The following SPINK5 variants were observed in gnomAD, a reference collection of about 807,000 sequenced individuals.
SPINK5 encodes serine protease inhibitor Kazal-type 5.
SPINK5 carries 125 observed loss-of-function variants against 151.8 expected under a neutral mutation model. That is an observed-to-expected ratio of 0.82 (90% CI 0.71 to 0.96). The LOEUF is 0.96. SPINK5 is among the 40% of genes least tolerant of loss of function. SPINK5 has a pLI of 0.00. For synonymous variants in SPINK5, 374 were observed against 395.3 expected (o/e 0.95, Z 0.64); for missense variants, 1,194 against 1,291.9 (o/e 0.92, Z 1.16).
At chr5:148,086,621 C>A in intron 5 of SPINK5, 89 bp downstream of exon 5, 2 of 1,527,688 alleles carry the variant, frequency 1.3e-6, no homozygotes, top group Non-Finnish European at 8.8e-7. Flanking sequence ...TTTAAGCTAA[C>A]GATTCATTAT....
intron 3 of SPINK5, 35 bp from the exon 4 acceptor site, chr5:148,072,111 CAA>C (rs1752753777): frequency 1.9e-6 from 3 of 1,591,038 alleles, no homozygotes; most frequent in Non-Finnish European, 1.7e-6. Flanking sequence ...GTTGAGCAAA[CAA>C]TGTTTAAACT....
intron 28 of SPINK5, 184 bp from the exon 29 acceptor site, chr5:148,125,539 G>A: frequency 6.2e-7 from 1 of 1,613,882 alleles, no homozygotes; most frequent in Non-Finnish European, 8.5e-7. Flanking sequence ...GTGCAGACAG[G>A]TTCAGAATGA....
chr5:148,069,240 A>G (rs1367451262), intron 2 of SPINK5, among the ~76,000 whole-genome samples: 1 of 151,730 alleles, frequency 6.6e-6, no homozygotes, highest in East Asian at 1.9e-4. Context: ...GACTTTAATA[A>G]TAATATTTAA....
At chr5:148,077,088 A>G (rs1316264706) in intron 4 of SPINK5, among the ~76,000 whole-genome samples, 1 of 151,402 alleles carries the variant, frequency 6.6e-6, no homozygotes, top group Admixed American at 6.6e-5. Context: ...CTTAAATTTG[A>G]TGGAAAAAAA....
At chr5:148,133,674 C>G in intron 31 of SPINK5, 123 bp from the exon 32 acceptor site, 2 of 870,096 alleles carry the variant, frequency 2.3e-6, no homozygotes, top group Admixed American at 3.9e-5. Flanking sequence ...ATGCAGATCC[C>G]AGATCCTCCC....
chr5:148,101,232 T>G, intron 13 of SPINK5, 123 bp from the exon 14 acceptor site: 1 of 741,232 alleles, frequency 1.3e-6, no homozygotes, highest in Admixed American at 2.1e-5. Context: ...AGCACAGGGT[T>G]AGGCACATCA....
intron 11 of SPINK5, among the ~76,000 whole-genome samples, chr5:148,098,559 A>G (rs1238202775): frequency 6.6e-6 from 1 of 152,030 alleles, no homozygotes; most frequent in African/African-American, 2.4e-5. Context: ...TTGATTGACA[A>G]CTACATATGG....
intron 19 of SPINK5, 33 bp downstream of exon 19, chr5:148,111,928 T>C (rs764166154): frequency 6.2e-7 from 1 of 1,613,712 alleles, no homozygotes; most frequent in Admixed American, 1.7e-5. Flanking sequence ...TGCTACTGAG[T>C]GTGGGAGAAG....
At chr5:148,073,565 T>G (rs1274143425) in intron 4 of SPINK5, among the ~76,000 whole-genome samples, 1 of 151,762 alleles carries the variant, frequency 6.6e-6, no homozygotes, top group Non-Finnish European at 1.5e-5. Flanking sequence ...CTCCTCTTCC[T>G]CCTCTGTCTT....
intron 32 of SPINK5, 35 bp from the exon 33 acceptor site, chr5:148,136,948 G>T: frequency 6.2e-7 from 1 of 1,613,374 alleles, no homozygotes; most frequent in Non-Finnish European, 8.5e-7. Context: ...ATATCTCTGG[G>T]TTCTAGCATC....
At chr5:148,129,175 T>C (rs1036178017) in intron 30 of SPINK5, among the ~76,000 whole-genome samples, 2 of 152,168 alleles carry the variant, frequency 1.3e-5, no homozygotes, top group Non-Finnish European at 2.9e-5. Flanking sequence ...ACCTCAGCTG[T>C]AGAAGAGGAA....
intron 15 of SPINK5, among the ~76,000 whole-genome samples, chr5:148,102,369 A>G (rs1049944446): frequency 1.2e-4 from 19 of 152,330 alleles, no homozygotes; most frequent in African/African-American, 4.3e-4. Context: ...AAACATTAAA[A>G]AAGTAAATCG....
chr5:148,075,836 C>G (rs1752863986), intron 4 of SPINK5, among the ~76,000 whole-genome samples: 1 of 151,706 alleles, frequency 6.6e-6, no homozygotes, highest in South Asian at 2.1e-4. Flanking sequence ...CAAAGGTCAG[C>G]AAAGGCATTG....
At chr5:148,106,785 C>G (rs1753792501) in intron 16 of SPINK5, among the ~76,000 whole-genome samples, 1 of 152,136 alleles carries the variant, frequency 6.6e-6, no homozygotes, top group African/African-American at 2.4e-5. Flanking sequence ...TCTGATCTTT[C>G]CTAGCTTTTA....
At chr5:148,100,415 A>G (rs772765036) in intron 12 of SPINK5, 39 bp from the exon 13 acceptor site, 45 of 1,597,708 alleles carry the variant, frequency 2.8e-5, no homozygotes, top group Non-Finnish European at 3.8e-5. Flanking sequence ...TTAAGTAGAA[A>G]TGAAATATAT....
At chr5:148,067,739 G>A (rs1391920737) in intron 2 of SPINK5, among the ~76,000 whole-genome samples, 2 of 152,208 alleles carry the variant, frequency 1.3e-5, no homozygotes, top group Non-Finnish European at 2.9e-5. Context: ...AGTGATATTG[G>A]AGAAGTCCAA....
rs1299256689 is a variant in SPINK5 at position 148,119,094 on chromosome 5, T to C, written c.2313+36T>C. On this transcript the variant is annotated intron_variant, in intron 24 of 32. Transcript: ENST00000256084. ...TTTTGGGTTTTGGCAAGAATCGTCT[T>C]TCTGTGAGTCAGCAGTTGGCGATCA... The C allele has an allele frequency of 5.7e-6, 9 of 1,589,606 alleles. No individual in the cohort carries two copies. In the Admixed American group the frequency reaches 1.5e-4, roughly 27 times the overall value.
chr5:148,096,737 T>C (rs1217790170), intron 10 of SPINK5, among the ~76,000 whole-genome samples: 44 of 144,248 alleles, frequency 3.1e-4, no homozygotes, highest in Non-Finnish European at 4.9e-4. Context: ...TTTCTTTTTC[T>C]TTTTCTTTTC....
At position 148,094,599 on chromosome 5, in the gene SPINK5, T is replaced by C. The variant is rs1285166331; in HGVS notation, c.794+118T>C. 8 of 1,527,852 alleles carry C rather than the reference T, an allele frequency of 5.2e-6. No individual in the cohort carries two copies. The African/African-American group carries it at 1.1e-4, about 21-fold the overall frequency. 94.6% of individuals were successfully genotyped at this position (1,527,852 alleles called of 1,614,324 possible). Reference sequence around the variant, plus strand: ...TTGTTGTTGAGAACCATCTGAGCAGTTTTATGCCCTCCACAAATCATAATG... The same window carrying C: ...TTGTTGTTGAGAACCATCTGAGCAGCTTTATGCCCTCCACAAATCATAATG... On this transcript the variant is annotated intron_variant, in intron 9 of 32. Transcript: ENST00000256084.
Sources: gnomAD v4.1 joint callset for allele counts (sites outside exome capture counted in the v4.1 genomes callset) on GRCh38, gnomAD v4.1.1 for gene constraint, MANE v1.5 for transcripts, NCBI Gene and HGNC (gene_info 2026-07-23, HGNC 2026-07-21) for gene names.